Variants in FAM13A observed in about 807,000 individuals in gnomAD.
FAM13A encodes the protein protein FAM13A.
Under a neutral mutation model 129.6 loss-of-function variants are expected in FAM13A, and 76 were observed. The observed-to-expected ratio is 0.59, with a 90% CI of 0.49 to 0.71. FAM13A has a LOEUF of 0.71. FAM13A is among the 30% of genes least tolerant of loss of function. FAM13A has a pLI of 0.00. For synonymous variants in FAM13A, 443 were observed against 449.9 expected, an observed-to-expected ratio of 0.98 and a Z score of 0.20; for missense variants, 1,108 against 1,249.3, an observed-to-expected ratio of 0.89 and a Z score of 1.70.
At chr4:88,991,626 T>G (rs2149024331) in intron 3 of FAM13A, among the ~76,000 whole-genome samples, 1 of 152,312 alleles carries the variant, frequency 6.6e-6, no homozygotes, top group Admixed American at 6.5e-5. Context: ...TGTCTTCAAC[T>G]TTGTCAAAAT....
chr4:88,801,328 G>C (rs1409206770), intron 8 of FAM13A, among the ~76,000 whole-genome samples: 1 of 152,148 alleles, frequency 6.6e-6, no homozygotes, highest in East Asian at 1.9e-4. Flanking sequence ...GAAACAGTAA[G>C]TCTATCTGCA....
chr4:89,028,160 T>A lies in FAM13A; in HGVS notation c.217+1300A>T, dbSNP rs1360424248. Among the ~76,000 whole-genome samples the A allele has an allele frequency of 3.5e-5, 5 of 144,458 alleles. 1 individual carries two copies. The highest frequency in any genetic ancestry group is 7.5e-5 in the Non-Finnish European group (5 of 66,970). The allele number at this position is 144,458 out of a possible 152,430, so 94.8% of individuals were successfully genotyped here. A position where few individuals can be genotyped will look rare whatever the true frequency, so the allele number is the denominator to read the frequency against. ...GGTAGAGGTTGCAGTGAGCCAAGAT[T>A]ACGCCATTGCACTACAGCCTGGGCT... On this transcript the variant is annotated intron_variant, in intron 2 of 23. Transcript: ENST00000264344.
intron 5 of FAM13A, among the ~76,000 whole-genome samples, chr4:88,918,737 A>T (rs1750519189): frequency 6.6e-6 from 1 of 152,258 alleles, no homozygotes; most frequent in Admixed American, 6.5e-5. Flanking sequence ...TTTCCTAAGT[A>T]TTCAACTAAG....
intron 7 of FAM13A, among the ~76,000 whole-genome samples, chr4:88,845,395 T>G (rs1345161018): frequency 6.6e-6 from 1 of 152,092 alleles, no homozygotes; most frequent in Non-Finnish European, 1.5e-5. Context: ...ACTGATTTCT[T>G]ATTTTTTCCT....
chr4:88,844,123 C>T (rs369883294), intron 7 of FAM13A, among the ~76,000 whole-genome samples: 15 of 152,172 alleles, frequency 9.9e-5, no homozygotes, highest in African/African-American at 2.2e-4. Context: ...ATAGCAACTA[C>T]GGCAGCAGCA....
intron 4 of FAM13A, among the ~76,000 whole-genome samples, chr4:88,968,616 A>C (rs994308663): frequency 1.4e-4 from 22 of 152,204 alleles, no homozygotes; most frequent in African/African-American, 5.3e-4. Flanking sequence ...AATCATAGAC[A>C]ATAATTTCCA....
intron 16 of FAM13A, among the ~76,000 whole-genome samples, 160 bp from the exon 17 acceptor site, chr4:88,749,193 C>T (rs1435195917): frequency 2.0e-5 from 3 of 152,172 alleles, no homozygotes; most frequent in Non-Finnish European, 2.9e-5. Flanking sequence ...AAATGTAATT[C>T]CATTATCCTT....
At chr4:89,011,889 T>C (rs1487593697) in intron 3 of FAM13A, among the ~76,000 whole-genome samples, 1 of 152,214 alleles carries the variant, frequency 6.6e-6, no homozygotes, top group East Asian at 1.9e-4. Context: ...TTGTAGAATA[T>C]ATACAACATA....
chr4:88,767,999 A>G lies in FAM13A; in HGVS notation c.1519T>C (p.Trp507Arg). Reference sequence around the variant, plus strand: ...TAAAATTACCTTTCATCAGACATCCATTCAAAATCATCAGGTCCAGTTCTC... The same window carrying G: ...TAAAATTACCTTTCATCAGACATCCGTTCAAAATCATCAGGTCCAGTTCTC... ...HERTGPDDFE[W>R]MSDERKGNEK... The change falls in exon 12 of 24, where the codon TGG (tryptophan) becomes CGG (arginine). Residue 507 changes from tryptophan (W) to arginine (R), a missense_variant. By Grantham distance (101) the Trp-to-Arg change is moderately radical (BLOSUM62 -3). Coordinates refer to ENST00000264344, the MANE Select transcript of FAM13A (RefSeq NM_014883.4). The G allele has an allele frequency of 6.2e-7, 1 of 1,603,362 alleles. No homozygotes were observed. Among genetic ancestry groups the G allele is most frequent in the Non-Finnish European group, 8.5e-7 (1 of 1,170,464 alleles).
intron 6 of FAM13A, among the ~76,000 whole-genome samples, chr4:88,872,880 T>G (rs187590162): frequency 2.8e-4 from 43 of 152,286 alleles, no homozygotes; most frequent in African/African-American, 9.9e-4. Flanking sequence ...ATTGACCACA[T>G]AGTTGGAAGT....
At chr4:88,739,815 C>G (rs1467020435) in intron 19 of FAM13A, among the ~76,000 whole-genome samples, 1 of 142,824 alleles carries the variant, frequency 7.0e-6, no homozygotes, top group Non-Finnish European at 1.5e-5. Context: ...AAATACATAT[C>G]ATGTAGTTCA....
chr4:88,852,045 C>T (rs1384211338), intron 6 of FAM13A, among the ~76,000 whole-genome samples: 5 of 152,168 alleles, frequency 3.3e-5, no homozygotes, highest in Non-Finnish European at 7.3e-5. Context: ...CTTGTCCTTA[C>T]ATCTGGAATG....
chr4:89,000,177 CAT>C (rs1273264535), intron 3 of FAM13A, among the ~76,000 whole-genome samples: 3 of 152,078 alleles, frequency 2.0e-5, no homozygotes, highest in Admixed American at 2.0e-4. Flanking sequence ...TACAATATAA[CAT>C]AGCAATTACA....
intron 1 of FAM13A, among the ~76,000 whole-genome samples, chr4:89,038,670 A>C (rs1769709357): frequency 6.6e-6 from 1 of 152,202 alleles, no homozygotes; most frequent in South Asian, 2.1e-4. Context: ...GTGTATTAAA[A>C]ATCTCTGAAT....
At chr4:88,879,816 C>G (rs1743226326) in intron 6 of FAM13A, among the ~76,000 whole-genome samples, 1 of 152,102 alleles carries the variant, frequency 6.6e-6, no homozygotes, top group Admixed American at 6.5e-5. Flanking sequence ...CAGAGTCTCC[C>G]TGTTAATCTA....
intron 6 of FAM13A, among the ~76,000 whole-genome samples, chr4:88,894,682 C>T (rs915426572): frequency 6.6e-6 from 1 of 152,032 alleles, no homozygotes; most frequent in South Asian, 2.1e-4. Flanking sequence ...CCACCATGGC[C>T]GGCTAATTTT....
At chr4:88,893,316 A>T (rs1169332223) in intron 6 of FAM13A, among the ~76,000 whole-genome samples, 1 of 152,200 alleles carries the variant, frequency 6.6e-6, no homozygotes, top group African/African-American at 2.4e-5. Flanking sequence ...TCCACTGTGC[A>T]GCTGCCGTAC....
chr4:89,017,407 G>A (rs1201600553), intron 3 of FAM13A, among the ~76,000 whole-genome samples: 1 of 151,862 alleles, frequency 6.6e-6, no homozygotes, highest in Non-Finnish European at 1.5e-5. Context: ...GATGACTGAG[G>A]AATCACGTCA....
chr4:88,767,877 G>A, intron 12 of FAM13A, 106 bp downstream of exon 12: 3 of 732,578 alleles, frequency 4.1e-6, no homozygotes, highest in South Asian at 3.6e-5. Context: ...TAAATATATA[G>A]TCCTTTAATT....
Sources: gnomAD v4.1 joint callset for allele counts (sites outside exome capture counted in the v4.1 genomes callset) on GRCh38, gnomAD v4.1.1 for gene constraint, MANE v1.5 for transcripts, NCBI Gene and HGNC (gene_info 2026-07-23, HGNC 2026-07-21) for gene names.